The following UBE3C variants were observed in gnomAD, a reference collection of about 807,000 sequenced individuals.
UBE3C encodes ubiquitin protein ligase E3C, also known as ubiquitin-protein ligase E3C.
Under a neutral mutation model 129.4 loss-of-function variants are expected in UBE3C, and 42 were observed. The observed-to-expected ratio is 0.32, with a 90% CI of 0.25 to 0.42. UBE3C has a LOEUF of 0.42. Ranked by LOEUF, UBE3C falls within the 10% of genes least tolerant of loss-of-function variation. The pLI, the probability that UBE3C is intolerant of heterozygous loss-of-function variation, is 1.00. For missense variants in UBE3C, 1,049 were observed against 1,319.1 expected, an observed-to-expected ratio of 0.80 and a Z score of 3.17; for synonymous variants, 510 against 492.4, an observed-to-expected ratio of 1.04 and a Z score of -0.47.
At chr7:157,218,444 G>A (rs529511524) in intron 14 of UBE3C, among the ~76,000 whole-genome samples, 31 of 151,554 alleles carry the variant, frequency 2.0e-4, no homozygotes, top group South Asian at 4.2e-4. Context: ...GCAAGATTCC[G>A]TCTCAAAAAA....
intron 3 of UBE3C, among the ~76,000 whole-genome samples, chr7:157,170,036 T>C (rs1409816061): frequency 6.6e-6 from 1 of 151,786 alleles, no homozygotes; most frequent in African/African-American, 2.4e-5. Context: ...GGCAGGCTGG[T>C]CTTGAACTCC....
intron 3 of UBE3C, among the ~76,000 whole-genome samples, chr7:157,169,373 C>CTTTT (rs3039755): frequency 1.4e-5 from 2 of 142,526 alleles, no homozygotes; most frequent in East Asian, 2.0e-4. Context: ...ATGAGAGATC[C>CTTTT]TTTTTTTTTT....
At chr7:157,199,893 T>C (rs537875219) in intron 10 of UBE3C, among the ~76,000 whole-genome samples, 2 of 152,208 alleles carry the variant, frequency 1.3e-5, no homozygotes, top group Non-Finnish European at 2.9e-5. Flanking sequence ...GTTTTTCCAA[T>C]ATTATTAAAT....
In UBE3C at chr7:157,174,981, T is replaced by G. The variant is rs1055662114; in HGVS notation, c.405T>G (p.Ser135=). 2 of 1,613,020 alleles carry G rather than the reference T, an allele frequency of 1.2e-6. No individual in the cohort carries two copies. The highest frequency in any genetic ancestry group is 2.7e-5 in the African/African-American group (2 of 74,894). The stretch of plus-strand genomic sequence containing the variant: ...TGTTTGTCAAGCAGTTGGATGGATC[T>G]GAGAGACTTACATGCTTATTTCAGA... ...SSLFVKQLDG[S]ERLTCLFQIK... Residue 135 remains serine, a synonymous_variant, in exon 5 of 23, where the codon TCT becomes TCG. Coordinates refer to ENST00000348165, the MANE Select transcript of UBE3C (RefSeq NM_014671.3).
intron 19 of UBE3C, among the ~76,000 whole-genome samples, chr7:157,250,196 T>A (rs1440632578): frequency 6.6e-6 from 1 of 152,116 alleles, no homozygotes; most frequent in Non-Finnish European, 1.5e-5. Context: ...CTGTCTACTT[T>A]AGCATATGGG....
At chr7:157,157,958 C>T (rs896378138) in intron 1 of UBE3C, among the ~76,000 whole-genome samples, 1 of 137,500 alleles carries the variant, frequency 7.3e-6, no homozygotes, top group Non-Finnish European at 1.5e-5. Flanking sequence ...CCAGCCTGGG[C>T]AACAGATATA....
At chr7:157,166,901 G>A (rs748445281) in intron 2 of UBE3C, among the ~76,000 whole-genome samples, 33 of 144,630 alleles carry the variant, frequency 2.3e-4, no homozygotes, top group Non-Finnish European at 8.9e-5. Context: ...GGTGAAAGTC[G>A]CTTTTTCCTG....
chr7:157,243,484 G>A (rs1025529115), intron 18 of UBE3C, among the ~76,000 whole-genome samples: 1 of 152,216 alleles, frequency 6.6e-6, no homozygotes, highest in African/African-American at 2.4e-5. Context: ...TGCTGAATGA[G>A]GAGTGAGTTC....
chr7:157,230,609 C>T lies in UBE3C; in HGVS notation c.2234-471C>T, dbSNP rs111931766. ...ACTTGGGAGGCTGAGGCAGAAGAATCACTTGAACCCGGGAGGCGGAGGTTG... is the reference window on the plus strand; with the variant it reads ...ACTTGGGAGGCTGAGGCAGAAGAATTACTTGAACCCGGGAGGCGGAGGTTG... On this transcript the variant is annotated intron_variant, in intron 17 of 22. Transcript: ENST00000348165. 4.9e-3 allele frequency among the ~76,000 whole-genome samples: 738 copies of T among 150,764 alleles called. 4 individuals are homozygous for T. The highest frequency in any genetic ancestry group is 8.4e-3 in the African/African-American group (344 of 40,954).
At chr7:157,192,737 A>G in intron 10 of UBE3C, 1 of 947,242 alleles carries the variant, frequency 1.1e-6, no homozygotes. Context: ...CTTCTGATGA[A>G]TGTGGTGCTG....
At chr7:157,141,998 G>A (rs917901833) in intron 1 of UBE3C, among the ~76,000 whole-genome samples, 17 of 152,184 alleles carry the variant, frequency 1.1e-4, no homozygotes, top group African/African-American at 4.1e-4. Context: ...CAGTTTCCCC[G>A]TGTCGCACGC....
intron 1 of UBE3C, among the ~76,000 whole-genome samples, chr7:157,155,160 G>A (rs1230836131): frequency 6.6e-6 from 1 of 151,884 alleles, no homozygotes; most frequent in African/African-American, 2.4e-5. Flanking sequence ...ATTTCATGTA[G>A]GTCTGCAAAA....
intron 10 of UBE3C, chr7:157,189,108 A>G: frequency 2.4e-6 from 1 of 408,976 alleles, no homozygotes; most frequent in Non-Finnish European, 4.3e-6. Flanking sequence ...CATATTGCAT[A>G]AAGAAACTTG....
In UBE3C at chr7:157,186,965, G is replaced by A; in HGVS notation, c.1275G>A (p.Met425Ile). The change falls in exon 10 of 23, where the codon ATG (methionine) becomes ATA (isoleucine). Residue 425 changes from methionine (M) to isoleucine (I), a missense_variant. By Grantham distance (10) the Met-to-Ile change is conservative. This residue lies in a region of UBE3C where 489 missense variants were observed against 513.8 expected (regional missense o/e 0.95). Transcript: ENST00000348165. The part of the protein sequence containing the change: ...DSASEEVFTT[M>I]ASVCHTLMVQ... ...CGAGCGAGGAGGTCTTCACCACCAT[G>A]GCCTCCGTCTGCCACACGCTGATGG... 6.2e-7 allele frequency: 1 copy of A among 1,613,238 alleles called. No individual in the cohort carries two copies. The highest frequency in any genetic ancestry group is 8.5e-7 in the Non-Finnish European group (1 of 1,179,660).
At chr7:157,195,705 A>G (rs1406738546) in intron 10 of UBE3C, among the ~76,000 whole-genome samples, 1 of 152,154 alleles carries the variant, frequency 6.6e-6, no homozygotes, top group African/African-American at 2.4e-5. Flanking sequence ...CCAAATTTAG[A>G]TGGCTTTAGT....
chr7:157,152,179 G>GGCTGGGAGGAAGGTAGTCAGGGACAGA (rs1396031946), intron 1 of UBE3C, among the ~76,000 whole-genome samples: 1 of 151,696 alleles, frequency 6.6e-6, no homozygotes, highest in Non-Finnish European at 1.5e-5. Context: ...TGGAAGAGAA[G>GGCTGGGAGGAAGGTAGTCAGGGACAGA]GCTGGGAGGA....
intron 9 of UBE3C, among the ~76,000 whole-genome samples, chr7:157,186,348 G>A (rs1212024017): frequency 6.6e-6 from 1 of 151,994 alleles, no homozygotes; most frequent in East Asian, 1.9e-4. Flanking sequence ...GAACCTGGGA[G>A]GCGGAGGTTG....
intron 1 of UBE3C, among the ~76,000 whole-genome samples, chr7:157,152,541 C>T (rs1807785645): frequency 6.6e-6 from 1 of 152,108 alleles, no homozygotes. Flanking sequence ...TCCTTGCGCT[C>T]CTCACTATTT....
At chr7:157,173,638 C>G (rs948664333) in intron 4 of UBE3C, among the ~76,000 whole-genome samples, 6 of 152,086 alleles carry the variant, frequency 3.9e-5, no homozygotes, top group Non-Finnish European at 8.8e-5. Context: ...AATTAATTGC[C>G]TCACTTTTTA....
Sources: gnomAD v4.1 joint callset for allele counts (sites outside exome capture counted in the v4.1 genomes callset) on GRCh38, gnomAD v4.1.1 for gene constraint, gnomAD v4.1.1 regional missense constraint, MANE v1.5 for transcripts, NCBI Gene and HGNC (gene_info 2026-07-23, HGNC 2026-07-21) for gene names.